Variants in PTPRD observed in about 807,000 individuals in gnomAD.
The protein encoded by PTPRD is protein tyrosine phosphatase receptor type D, also known as receptor-type tyrosine-protein phosphatase delta.
Under a neutral mutation model 214.5 loss-of-function variants are expected in PTPRD, and 34 were observed. The ratio of observed to expected loss-of-function variants is 0.16; its 90% CI spans 0.12 to 0.21. PTPRD has a LOEUF of 0.21. PTPRD is among the 10% of genes least tolerant of loss of function. The pLI is 1.00. For synonymous variants in PTPRD, 1,128 were observed against 845.7 expected, an observed-to-expected ratio of 1.33 and a Z score of -5.79; for missense variants, 2,545 against 2,398.7, an observed-to-expected ratio of 1.06 and a Z score of -1.27.
intron 2 of PTPRD, among the ~76,000 whole-genome samples, chr9:10,428,195 T>C (rs142374271): frequency 0.028 from 4,300 of 151,994 alleles, 224 homozygotes; most frequent in African/African-American, 0.099. Flanking sequence ...GGCTCATGGC[T>C]GTAATCCCAG....
intron 44 of PTPRD, among the ~76,000 whole-genome samples, chr9:8,321,226 A>T (rs1457934478): frequency 2.0e-5 from 3 of 151,780 alleles, no homozygotes; most frequent in South Asian, 2.1e-4. Context: ...TGAATGATCT[A>T]GGTACTCCAG....
chr9:8,819,522 G>A lies in PTPRD; in HGVS notation c.-103-85576C>T, dbSNP rs536415220. On this transcript the variant is annotated intron_variant, in intron 11 of 45. Transcript: ENST00000381196. Reference sequence around the variant, plus strand: ...ATAAAAATACAAAAATTAACCAGGCGAGGTGGCACATGCCTGTAGTCCCAG... The same window carrying A: ...ATAAAAATACAAAAATTAACCAGGCAAGGTGGCACATGCCTGTAGTCCCAG... 1.2e-4 allele frequency among the ~76,000 whole-genome samples: 18 copies of A among 152,076 alleles called. 1 individual carries two copies. The highest frequency in any genetic ancestry group is 6.5e-4 in the Admixed American group (10 of 15,282).
rs73641284 is a variant in PTPRD, at chr9:9,273,608, G to A, written c.-202-90245C>T. On this transcript the variant is annotated intron_variant, in intron 9 of 45. Coordinates refer to ENST00000381196, the MANE Select transcript of PTPRD (RefSeq NM_002839.4). ...GTTTTCTTCACTGCAGATATCAGAAGTCTTCAAAATGTATAGCATGTACTC... is the reference window on the plus strand; with the variant it reads ...GTTTTCTTCACTGCAGATATCAGAAATCTTCAAAATGTATAGCATGTACTC... Among the ~76,000 whole-genome samples the A allele has an allele frequency of 2.3e-3, 343 of 151,376 alleles. 2 individuals are homozygous for A. The highest frequency in any genetic ancestry group is 7.9e-3 in the African/African-American group (327 of 41,406).
At chr9:9,655,618 G>GCCAAACCAAACCAAACCAAA (rs59186868) in intron 7 of PTPRD, among the ~76,000 whole-genome samples, 1 of 118,288 alleles carries the variant, frequency 8.5e-6, no homozygotes, top group African/African-American at 4.0e-5. Context: ...ACCAAACCAA[G>GCCAAACCAAACCAAACCAAA]CCAAACCAAA....
chr9:9,379,166 A>T (rs1022244711), intron 9 of PTPRD, among the ~76,000 whole-genome samples: 4 of 149,188 alleles, frequency 2.7e-5, no homozygotes, highest in African/African-American at 7.3e-5. Context: ...TGAGTTAAAA[A>T]TTTTTGTGAA....
chr9:8,725,799 G>C (rs185582298), intron 12 of PTPRD, among the ~76,000 whole-genome samples: 2 of 152,226 alleles, frequency 1.3e-5, no homozygotes, highest in East Asian at 3.9e-4. Context: ...TAATTATACA[G>C]CAGAAGCAGG....
intron 12 of PTPRD, among the ~76,000 whole-genome samples, chr9:8,674,487 T>C (rs1475543885): frequency 3.3e-5 from 4 of 119,838 alleles, no homozygotes; most frequent in Non-Finnish European, 3.5e-5. Context: ...AAAAAAAGCA[T>C]GAAGTTAATA....
chr9:9,451,568 G>A (rs2092189452), intron 8 of PTPRD, among the ~76,000 whole-genome samples: 1 of 151,400 alleles, frequency 6.6e-6, no homozygotes, highest in African/African-American at 2.4e-5. Context: ...TCCCTGCAGT[G>A]AAAAATTACA....
chr9:10,328,404 G>A (rs925920022), intron 3 of PTPRD, among the ~76,000 whole-genome samples: 1 of 151,700 alleles, frequency 6.6e-6, no homozygotes, highest in Non-Finnish European at 1.5e-5. Flanking sequence ...GCCTTAAAAA[G>A]TAAGAGCAGC....
chr9:8,545,286 C>T (rs1392592224), intron 14 of PTPRD, among the ~76,000 whole-genome samples: 2 of 152,132 alleles, frequency 1.3e-5, no homozygotes, highest in Admixed American at 6.6e-5. Flanking sequence ...TTCAGACATA[C>T]AGGGACCCAT....
At chr9:10,183,777 T>G (rs941889566) in intron 3 of PTPRD, among the ~76,000 whole-genome samples, 1 of 152,026 alleles carries the variant, frequency 6.6e-6, no homozygotes, top group African/African-American at 2.4e-5. Flanking sequence ...AAGAAAAAGC[T>G]CCAAGAAAAT....
chr9:10,574,948 T>C (rs575159818), intron 2 of PTPRD, among the ~76,000 whole-genome samples: 8 of 151,722 alleles, frequency 5.3e-5, no homozygotes, highest in East Asian at 1.9e-4. Flanking sequence ...TGAGAATAAA[T>C]CTCACAGGAA....
intron 14 of PTPRD, among the ~76,000 whole-genome samples, chr9:8,597,104 A>G (rs560161729): frequency 6.6e-6 from 1 of 152,272 alleles, no homozygotes; most frequent in East Asian, 1.9e-4. Context: ...CATGCGTTAC[A>G]AATGACTGCC....
intron 3 of PTPRD, among the ~76,000 whole-genome samples, chr9:10,194,584 C>T (rs2099389994): frequency 1.3e-5 from 2 of 151,952 alleles, no homozygotes; most frequent in African/African-American, 4.8e-5. Context: ...ATGAACCTAC[C>T]TCATACCCAC....
chr9:9,973,201 G>T (rs2095209793), intron 4 of PTPRD, among the ~76,000 whole-genome samples: 1 of 151,442 alleles, frequency 6.6e-6, no homozygotes, highest in South Asian at 2.1e-4. Context: ...AGTGGCTCAT[G>T]CCTGTAATCC....
chr9:8,936,521 G>A (rs1238883613), intron 11 of PTPRD, among the ~76,000 whole-genome samples: 1 of 148,386 alleles, frequency 6.7e-6, no homozygotes, highest in Non-Finnish European at 1.5e-5. Flanking sequence ...GCGATTTAGT[G>A]TTTGCTATAT....
At chr9:9,248,039 C>T (rs183553700) in intron 9 of PTPRD, among the ~76,000 whole-genome samples, 236 of 151,974 alleles carry the variant, frequency 1.6e-3, no homozygotes, top group African/African-American at 5.1e-3. Context: ...TATTGAGTAA[C>T]GTGTTAAGTC....
chr9:10,282,385 A>C (rs1240150431), intron 3 of PTPRD, among the ~76,000 whole-genome samples: 1 of 152,190 alleles, frequency 6.6e-6, no homozygotes, highest in Non-Finnish European at 1.5e-5. Flanking sequence ...GAAAAGAAAC[A>C]AGGATACTTT....
At chr9:9,118,321 A>G (rs2099814271) in intron 10 of PTPRD, among the ~76,000 whole-genome samples, 1 of 152,212 alleles carries the variant, frequency 6.6e-6, no homozygotes, top group African/African-American at 2.4e-5. Flanking sequence ...ACCTGTATAG[A>G]TTCACAAGCG....
Sources: allele counts gnomAD v4.1 joint callset (sites outside exome capture counted in the v4.1 genomes callset), GRCh38; gene constraint gnomAD v4.1.1; transcripts MANE v1.5; gene names NCBI Gene and HGNC (gene_info 2026-07-23, HGNC 2026-07-21).